FBXL13: variants seen among roughly 807,000 people sequenced by gnomAD.
The protein encoded by FBXL13 is F-box and leucine rich repeat protein 13, also known as F-box and leucine-rich repeat protein 13.
FBXL13 carries 67 observed loss-of-function variants against 83.6 expected under a neutral mutation model. The observed-to-expected ratio is 0.80, with a 90% confidence interval of 0.66 to 0.98. The LOEUF (loss-of-function observed/expected upper bound fraction) is 0.98. Ranked by LOEUF, FBXL13 falls within the 50% of genes least tolerant of loss-of-function variation. The pLI, the probability that FBXL13 is intolerant of heterozygous loss-of-function variation, is 0.00. For missense variants in FBXL13, 822 were observed against 866.5 expected, an observed-to-expected ratio of 0.95 and a Z score of 0.64; for synonymous variants, 272 against 299.5, an observed-to-expected ratio of 0.91 and a Z score of 0.95.
At position 102,831,431 on chromosome 7, in the gene FBXL13, A is replaced by ACACACACC. The variant is rs1033135095; in HGVS notation, c.1854+1408_1854+1409insGGTGTGTG. 1.6e-3 allele frequency among the ~76,000 whole-genome samples: 235 copies of ACACACACC among 147,226 alleles called. 1 individual carries two copies. The highest frequency in any genetic ancestry group is 5.2e-3 in the African/African-American group (207 of 40,114). ...CACACACACACACACACACACACAC[A>ACACACACC]CCCCACTACAGAGAGTTATCTTGTC... On this transcript the variant is annotated intron_variant, in intron 18 of 19. Coordinates refer to ENST00000313221, the Ensembl canonical transcript of FBXL13.
chr7:102,875,786 G>C (rs974252417), intron 16 of FBXL13, among the ~76,000 whole-genome samples: 5 of 152,094 alleles, frequency 3.3e-5, no homozygotes, highest in Non-Finnish European at 1.5e-5. Context: ...ATGCTGGAAG[G>C]ACAATGGGAA....
exon 14 of FBXL13, chr7:102,883,445 T>C: frequency 6.2e-7 from 1 of 1,612,596 alleles, no homozygotes; most frequent in Non-Finnish European, 8.5e-7. Context: ...ATTTGAAGGA[T>C]GCATCAGTAA....
chr7:103,025,355 T>C, intron 5 of FBXL13, 125 bp from the exon 7 acceptor site: 1 of 558,898 alleles, frequency 1.8e-6, no homozygotes, highest in Non-Finnish European at 3.1e-6. Flanking sequence ...ATCGTCATCA[T>C]TACTACATAA....
intron 6 of FBXL13, chr7:102,976,002 C>T (rs1827379468): frequency 2.6e-6 from 2 of 766,298 alleles, no homozygotes; most frequent in Admixed American, 3.4e-5. Context: ...CACACAATGC[C>T]CAAACCCAGG....
chr7:102,936,866 T>A (rs1820414618), intron 8 of FBXL13, among the ~76,000 whole-genome samples: 1 of 152,258 alleles, frequency 6.6e-6, no homozygotes, highest in African/African-American at 2.4e-5. Flanking sequence ...TCACTGCTTT[T>A]ATGCTCTTGG....
chr7:102,903,290 T>G (rs2129466150), intron 11 of FBXL13, among the ~76,000 whole-genome samples: 1 of 152,266 alleles, frequency 6.6e-6, no homozygotes, highest in African/African-American at 2.4e-5. Flanking sequence ...TTTACTGAAT[T>G]TATCAGTTCT....
At chr7:103,052,473 T>C (rs1050552688) in intron 2 of FBXL13, among the ~76,000 whole-genome samples, 4 of 152,204 alleles carry the variant, frequency 2.6e-5, no homozygotes, top group African/African-American at 9.6e-5. Flanking sequence ...CATTTTTCTC[T>C]GACGGTGGAG....
chr7:102,962,442 A>C (rs1392526097), intron 8 of FBXL13, among the ~76,000 whole-genome samples: 1 of 152,214 alleles, frequency 6.6e-6, no homozygotes, highest in Non-Finnish European at 1.5e-5. Flanking sequence ...TCAGGGATCT[A>C]GAACTGGAAA....
At chr7:103,058,672 T>C (rs1282993450) in intron 1 of FBXL13, among the ~76,000 whole-genome samples, 1 of 152,184 alleles carries the variant, frequency 6.6e-6, no homozygotes, top group Non-Finnish European at 1.5e-5. Context: ...TCTCTGAGAA[T>C]AGGGCCTAGA....
chr7:102,826,651 G>A (rs1200637550), intron 18 of FBXL13, among the ~76,000 whole-genome samples: 1 of 145,376 alleles, frequency 6.9e-6, no homozygotes, highest in Non-Finnish European at 1.5e-5. Context: ...CTTGAGCCTG[G>A]GAGGTTGAGG....
intron 19 of FBXL13, among the ~76,000 whole-genome samples, chr7:102,820,729 C>A (rs1798692550): frequency 6.6e-6 from 1 of 152,164 alleles, no homozygotes; most frequent in South Asian, 2.1e-4. Context: ...AAAGAAGGAG[C>A]CCTAGCTCAT....
At chr7:102,943,889 C>T (rs940142680) in intron 8 of FBXL13, among the ~76,000 whole-genome samples, 4 of 152,148 alleles carry the variant, frequency 2.6e-5, no homozygotes, top group African/African-American at 7.2e-5. Flanking sequence ...CAACTGGAAG[C>T]AAGATCTCAC....
chr7:102,912,927 C>T (rs1815038427), intron 11 of FBXL13, 159 bp downstream of exon 12: 14 of 922,798 alleles, frequency 1.5e-5, no homozygotes, highest in Non-Finnish European at 1.9e-5. Flanking sequence ...AATAGCGATC[C>T]TGGGGAAAAT....
intron 7 of FBXL13, among the ~76,000 whole-genome samples, chr7:102,966,921 G>C (rs930257477): frequency 2.6e-5 from 4 of 151,914 alleles, no homozygotes; most frequent in African/African-American, 4.8e-5. Context: ...TGTCAATTTT[G>C]CATACCATCA....
chr7:102,920,302 ACT>A (rs1816731374), intron 10 of FBXL13, among the ~76,000 whole-genome samples: 2 of 152,336 alleles, frequency 1.3e-5, no homozygotes, highest in Non-Finnish European at 1.5e-5. Flanking sequence ...AGACAGAAAT[ACT>A]GAGTACAGTG....
At chr7:103,008,238 T>A (rs1791192567) in intron 6 of FBXL13, among the ~76,000 whole-genome samples, 1 of 152,136 alleles carries the variant, frequency 6.6e-6, no homozygotes, top group East Asian at 1.9e-4. Context: ...TTATGAAAAT[T>A]AAAGAAAGAT....
intron 14 of FBXL13, 63 bp downstream of exon 15, chr7:102,883,242 A>T (rs939072659): frequency 2.0e-5 from 30 of 1,476,788 alleles, no homozygotes; most frequent in Non-Finnish European, 2.4e-5. Flanking sequence ...GTTCCTTAGG[A>T]GAGAACCTGG....
chr7:102,834,510 C>T (rs946959175), intron 17 of FBXL13: 10 of 148,920 alleles, frequency 6.7e-5, no homozygotes, highest in African/African-American at 2.0e-4. Context: ...GATTCTCTAG[C>T]TATCTCTAAG....
chr7:102,951,104 G>A (rs1028773074), intron 8 of FBXL13, among the ~76,000 whole-genome samples: 1 of 152,062 alleles, frequency 6.6e-6, no homozygotes, highest in Non-Finnish European at 1.5e-5. Flanking sequence ...TATGTGTGGG[G>A]GAAGGAGGTA....
Sources: gnomAD v4.1 joint callset for allele counts (sites outside exome capture counted in the v4.1 genomes callset) on GRCh38, gnomAD v4.1.1 for gene constraint, MANE v1.5 for transcripts, NCBI Gene and HGNC (gene_info 2026-07-23, HGNC 2026-07-21) for gene names.